The following GPHN variants were observed in gnomAD, a reference collection of about 807,000 sequenced individuals.
GPHN encodes the protein gephyrin.
In GPHN, 17 loss-of-function variants were observed where a neutral mutation model predicts 95.5. The ratio of observed to expected loss-of-function variants is 0.18; its 90% confidence interval spans 0.12 to 0.27. The LOEUF (loss-of-function observed/expected upper bound fraction) is 0.27, where lower values mean the gene tolerates loss of function less well. GPHN is among the 10% of genes least tolerant of loss of function. The probability of loss-of-function intolerance (pLI) is 1.00; values close to 1 mark genes in which losing one functional copy is unlikely to be tolerated. For synonymous variants in GPHN, 320 were observed against 322.5 expected (o/e 0.99, Z 0.08); for missense variants, 660 against 978.1 (o/e 0.67, Z 4.34).
intron 2 of GPHN, among the ~76,000 whole-genome samples, chr14:66,720,624 GC>G (rs1257245550): frequency 1.3e-5 from 2 of 152,092 alleles, no homozygotes; most frequent in African/African-American, 4.8e-5. Context: ...ATCTAATTTT[GC>G]ACATCATACT....
chr14:67,346,711 A>G, the GPHN span, among the ~76,000 whole-genome samples: 1 of 152,244 alleles, frequency 6.6e-6, no homozygotes, highest in Non-Finnish European at 1.5e-5. Context: ...TTATTTAAAA[A>G]GTGGAAGTGG....
In GPHN at chr14:67,174,495, G is replaced by C. The variant is rs567124757; in HGVS notation, c.2080-5083G>C. Reference sequence around the variant, plus strand: ...CAGTCTATTATTGATGGACATTTGGGTTGGTTCCAAGTCTTTGCTGCTGTG... The same window carrying C: ...CAGTCTATTATTGATGGACATTTGGCTTGGTTCCAAGTCTTTGCTGCTGTG... On this transcript the variant is annotated intron_variant, in intron 21 of 22. Coordinates refer to ENST00000478722, the MANE Select transcript of GPHN (RefSeq NM_020806.5). Among the ~76,000 whole-genome samples the C allele has an allele frequency of 3.3e-5, 5 of 152,304 alleles. 1 individual carries two copies. The highest frequency in any genetic ancestry group is 1.2e-4 in the African/African-American group (5 of 41,574).
chr14:67,273,699 C>G, the GPHN span, among the ~76,000 whole-genome samples: 3 of 152,206 alleles, frequency 2.0e-5, no homozygotes, highest in Non-Finnish European at 2.9e-5. Context: ...AATTGCCATA[C>G]TGTCTTCCAC....
chr14:67,241,244 A>G, the GPHN span: 2 of 152,216 alleles, frequency 1.3e-5, no homozygotes, highest in Admixed American at 6.5e-5. Flanking sequence ...TGGGACTCGG[A>G]TCCGCGCGCC....
chr14:66,856,356 T>G (rs2062804356), intron 4 of GPHN, among the ~76,000 whole-genome samples: 1 of 152,122 alleles, frequency 6.6e-6, no homozygotes, highest in Non-Finnish European at 1.5e-5. Context: ...ATGCTAGTGT[T>G]GCATCCTGAA....
intron 9 of GPHN, among the ~76,000 whole-genome samples, chr14:67,007,590 T>C (rs1373870772): frequency 1.3e-5 from 2 of 152,236 alleles, no homozygotes; most frequent in African/African-American, 4.8e-5. Flanking sequence ...TGCTACCATA[T>C]GGCAAAGGTC....
At chr14:66,609,292 A>G (rs1434967504) in intron 1 of GPHN, among the ~76,000 whole-genome samples, 3 of 152,020 alleles carry the variant, frequency 2.0e-5, no homozygotes, top group Admixed American at 2.0e-4. Flanking sequence ...CTGGCTTGTA[A>G]GTTTCTGCTG....
At chr14:67,700,655 C>T in the GPHN span, among the ~76,000 whole-genome samples, 1 of 147,384 alleles carries the variant, frequency 6.8e-6, no homozygotes, top group African/African-American at 2.5e-5. Flanking sequence ...GCGGAGCTTG[C>T]AGTGAGCCTA....
intron 1 of GPHN, among the ~76,000 whole-genome samples, chr14:66,562,674 A>G (rs2060311247): frequency 1.3e-5 from 2 of 152,178 alleles, no homozygotes; most frequent in African/African-American, 2.4e-5. Context: ...AGAACAGCAA[A>G]TTGTAGGATA....
At chr14:66,837,413 G>A (rs1176567925) in intron 4 of GPHN, among the ~76,000 whole-genome samples, 1 of 129,222 alleles carries the variant, frequency 7.7e-6, no homozygotes, top group African/African-American at 2.9e-5. Flanking sequence ...ATGGACACAG[G>A]AAGGGGAACA....
the GPHN span, among the ~76,000 whole-genome samples, chr14:67,390,033 A>C: frequency 6.6e-6 from 1 of 152,214 alleles, no homozygotes; most frequent in Non-Finnish European, 1.5e-5. Context: ...GTTTCAACAA[A>C]AACTAATGAA....
At chr14:66,720,861 T>A (rs1488140852) in intron 2 of GPHN, among the ~76,000 whole-genome samples, 1 of 152,070 alleles carries the variant, frequency 6.6e-6, no homozygotes. Flanking sequence ...AGAGATGCTG[T>A]CTCTTTGTAA....
At chr14:66,740,349 A>G (rs2072689124) in intron 2 of GPHN, among the ~76,000 whole-genome samples, 1 of 152,150 alleles carries the variant, frequency 6.6e-6, no homozygotes. Flanking sequence ...TTACCTTAAG[A>G]GTATTACATT....
At chr14:67,095,183 C>T (rs2153672696) in intron 12 of GPHN, among the ~76,000 whole-genome samples, 1 of 152,298 alleles carries the variant, frequency 6.6e-6, no homozygotes, top group East Asian at 1.9e-4. Context: ...CTGTAGTTCA[C>T]TAATTTTTTT....
intron 2 of GPHN, among the ~76,000 whole-genome samples, chr14:66,770,325 T>C (rs996522444): frequency 1.3e-5 from 2 of 152,228 alleles, no homozygotes; most frequent in African/African-American, 4.8e-5. Context: ...AGAAGTTTTT[T>C]AGTTTAATTA....
the GPHN span, among the ~76,000 whole-genome samples, chr14:67,342,563 T>C: frequency 2.6e-5 from 4 of 151,288 alleles, no homozygotes; most frequent in South Asian, 8.3e-4. Context: ...TATCCTTTTT[T>C]TTTTTTTTTT....
intron 9 of GPHN, among the ~76,000 whole-genome samples, chr14:67,008,807 A>G (rs777843861): frequency 3.3e-5 from 5 of 152,116 alleles, no homozygotes; most frequent in Non-Finnish European, 7.3e-5. Flanking sequence ...TCAGCCTCCC[A>G]AAGTGCTGGG....
chr14:66,536,663 T>G (rs1182351349), intron 1 of GPHN, among the ~76,000 whole-genome samples: 8 of 152,218 alleles, frequency 5.3e-5, no homozygotes, highest in Admixed American at 3.9e-4. Context: ...AGTCTCTCTC[T>G]TTTTTATTCT....
the GPHN span, among the ~76,000 whole-genome samples, chr14:67,356,263 A>T: frequency 6.6e-6 from 1 of 151,992 alleles, no homozygotes; most frequent in South Asian, 2.1e-4. Flanking sequence ...CTACCAAAAA[A>T]TACAAAAATT....
Sources: gnomAD v4.1 joint callset for allele counts (sites outside exome capture counted in the v4.1 genomes callset) on GRCh38, gnomAD v4.1.1 for gene constraint, MANE v1.5 for transcripts, NCBI Gene and HGNC (gene_info 2026-07-23, HGNC 2026-07-21) for gene names.